NFIB: variants seen among roughly 807,000 people sequenced by gnomAD.
The protein encoded by NFIB is nuclear factor I B, also known as nuclear factor 1 B-type.
A neutral mutation model predicts 61.5 loss-of-function variants in NFIB; 11 were observed. The observed-to-expected ratio is 0.18, with a 90% CI of 0.11 to 0.30. The LOEUF is 0.30. NFIB is among the 10% of genes least tolerant of loss of function. The pLI is 1.00. For synonymous variants in NFIB, 260 were observed against 216.5 expected (o/e 1.20, Z -1.76); for missense variants, 471 against 608.9 (o/e 0.77, Z 2.38).
At chr9:14,269,982 G>T (rs1225986781) in intron 2 of NFIB, among the ~76,000 whole-genome samples, 2 of 151,984 alleles carry the variant, frequency 1.3e-5, no homozygotes, top group African/African-American at 4.8e-5. Context: ...ATTTTGGAAG[G>T]GCAAATTCAT....
the NFIB span, among the ~76,000 whole-genome samples, chr9:14,428,649 C>T: frequency 1.3e-5 from 2 of 152,214 alleles, no homozygotes; most frequent in African/African-American, 4.8e-5. Flanking sequence ...TCATTAATCA[C>T]ACTTTCTTTT....
chr9:14,451,266 GGTAGGT>G, the NFIB span, among the ~76,000 whole-genome samples: 1 of 152,312 alleles, frequency 6.6e-6, no homozygotes, highest in Middle Eastern at 3.4e-3. Flanking sequence ...ATGGTGGATA[GGTAGGT>G]GTTCACCAGT....
intron 1 of NFIB, among the ~76,000 whole-genome samples, chr9:14,358,261 A>T (rs1170822641): frequency 1.3e-5 from 2 of 150,048 alleles, no homozygotes; most frequent in African/African-American, 2.4e-5. Flanking sequence ...AATGTGAATT[A>T]TATATAAATA....
chr9:14,300,570 T>A (rs1396959595), intron 2 of NFIB, among the ~76,000 whole-genome samples: 1 of 152,214 alleles, frequency 6.6e-6, no homozygotes, highest in Non-Finnish European at 1.5e-5. Context: ...ATTGACCATT[T>A]TAATGAGTGT....
intron 2 of NFIB, among the ~76,000 whole-genome samples, chr9:14,247,283 T>A (rs1436292173): frequency 6.6e-6 from 1 of 152,218 alleles, no homozygotes; most frequent in African/African-American, 2.4e-5. Flanking sequence ...TATTTAACTT[T>A]ACAAACAGAC....
chr9:14,316,408 G>A (rs1044445370), upstream of NFIB, among the ~76,000 whole-genome samples: 1 of 152,140 alleles, frequency 6.6e-6, no homozygotes, highest in African/African-American at 2.4e-5. Flanking sequence ...AGGTAAAGTC[G>A]GGGAGATCGC....
At chr9:14,290,103 T>A (rs116628163) in intron 2 of NFIB, among the ~76,000 whole-genome samples, 2,319 of 152,152 alleles carry the variant, frequency 0.015, 62 homozygotes, top group African/African-American at 0.052. Context: ...TACCAGGAAA[T>A]TTATACAAGA....
intron 2 of NFIB, among the ~76,000 whole-genome samples, chr9:14,254,230 G>A (rs1325053456): frequency 1.3e-5 from 2 of 152,088 alleles, no homozygotes; most frequent in Non-Finnish European, 2.9e-5. Context: ...GAACCTGGGA[G>A]GTAGAGGTTG....
chr9:14,368,330 CTT>C (rs2061324838), intron 1 of NFIB, among the ~76,000 whole-genome samples: 1 of 152,190 alleles, frequency 6.6e-6, no homozygotes, highest in Non-Finnish European at 1.5e-5. Flanking sequence ...CCCAGAATGA[CTT>C]TAAGTAGTTT....
At chr9:14,261,393 T>G (rs2056738735) in intron 2 of NFIB, among the ~76,000 whole-genome samples, 1 of 152,162 alleles carries the variant, frequency 6.6e-6, no homozygotes, top group Admixed American at 6.5e-5. Flanking sequence ...TCTCAAACCT[T>G]TTGTTTGAAG....
intron 1 of NFIB, among the ~76,000 whole-genome samples, chr9:14,332,536 TC>T (rs1195606773): frequency 1.3e-5 from 2 of 152,004 alleles, no homozygotes; most frequent in African/African-American, 4.8e-5. Context: ...ATGGAGCACC[TC>T]CCCTGTGCCA....
At chr9:14,344,280 G>C (rs1269856267) in intron 1 of NFIB, among the ~76,000 whole-genome samples, 3 of 151,996 alleles carry the variant, frequency 2.0e-5, no homozygotes, top group African/African-American at 4.8e-5. Flanking sequence ...GAGAGAGGGG[G>C]GTGATGGGGG....
In NFIB at chr9:14,085,512, A is replaced by G. The variant is rs1248952117; in HGVS notation, c.*2797T>C. 9.1e-6 allele frequency: 2 copies of G among 220,552 alleles called. No individual in the cohort carries two copies. The highest frequency in any genetic ancestry group is 1.3e-4 in the East Asian group (2 of 14,944). The allele number at this position is 220,552 out of a possible 1,614,324, so 13.7% of individuals were successfully genotyped here. On this transcript the variant is annotated 3_prime_UTR_variant, in exon 11 of 11. Transcript: ENST00000380953. ...CATCAGCATCTAATGGGTTTAATTC[A>G]TCCACAGGAAGATTAATTGCTTAAA... is the stretch of plus-strand genomic sequence containing the variant.
intron 10 of NFIB, among the ~76,000 whole-genome samples, chr9:14,092,984 GT>G (rs1202616796): frequency 6.6e-6 from 1 of 151,958 alleles, no homozygotes; most frequent in Non-Finnish European, 1.5e-5. Context: ...TTCTGGTTAT[GT>G]TTTTTTAAAA....
chr9:14,375,922 T>C (rs1176676718), intron 1 of NFIB, among the ~76,000 whole-genome samples: 2 of 152,198 alleles, frequency 1.3e-5, no homozygotes, highest in African/African-American at 2.4e-5. Context: ...ACTGCTTCCG[T>C]TTGAATTATG....
intron 1 of NFIB, among the ~76,000 whole-genome samples, chr9:14,346,291 C>CCG (rs2061019879): frequency 2.6e-5 from 1 of 38,734 alleles, no homozygotes; most frequent in Non-Finnish European, 8.9e-5. Flanking sequence ...GTAACCGACA[C>CCG]CCCCCCCCCG....
intron 2 of NFIB, among the ~76,000 whole-genome samples, chr9:14,267,725 T>G (rs2057312355): frequency 1.3e-5 from 2 of 152,240 alleles, no homozygotes; most frequent in African/African-American, 2.4e-5. Context: ...AGAGACCATG[T>G]CTGTCTTGTA....
intron 1 of NFIB, among the ~76,000 whole-genome samples, chr9:14,325,664 A>G (rs1201992776): frequency 2.0e-5 from 3 of 152,032 alleles, no homozygotes; most frequent in Non-Finnish European, 2.9e-5. Context: ...TGATTTTTAT[A>G]TTATTAAAGG....
chr9:14,464,882 A>G, the NFIB span, among the ~76,000 whole-genome samples: 1 of 152,162 alleles, frequency 6.6e-6, no homozygotes, highest in African/African-American at 2.4e-5. Context: ...ATTTCCCTAT[A>G]CAACTATTGT....
Sources: gnomAD v4.1 joint callset for allele counts (sites outside exome capture counted in the v4.1 genomes callset) on GRCh38, gnomAD v4.1.1 for gene constraint, MANE v1.5 for transcripts, NCBI Gene and HGNC (gene_info 2026-07-23, HGNC 2026-07-21) for gene names.